CMSS1: variants seen among roughly 807,000 people sequenced by gnomAD.
The protein encoded by CMSS1 is cms1 ribosomal small subunit homolog.
A neutral mutation model predicts 43.5 loss-of-function variants in CMSS1; 33 were observed. The ratio of observed to expected loss-of-function variants is 0.76; its 90% CI spans 0.57 to 1.01. The LOEUF (loss-of-function observed/expected upper bound fraction) is 1.01. Ranked by LOEUF, CMSS1 falls within the 50% of genes least tolerant of loss-of-function variation. The pLI is 0.00. For missense variants in CMSS1, 313 were observed against 326.4 expected (o/e 0.96, Z 0.32); for synonymous variants, 115 against 117.2 (o/e 0.98, Z 0.12).
At chr3:99,848,904 T>C in intron 1 of CMSS1, 1 of 1,614,176 alleles carries the variant, frequency 6.2e-7, no homozygotes, top group Non-Finnish European at 8.5e-7. Flanking sequence ...GAGGACTCTC[T>C]GTGGTTGGAC....
Position 99,983,389 on chromosome 3 carries a change from A to AATAAATATATATAT in CMSS1, c.65-163581_65-163580insAATATATATATATA, listed in dbSNP as rs1302972402. ...TCTCTACTTAAAAAATAAATAAATA[A>AATAAATATATATAT]ATATATATATATATATATATATATA... On this transcript the variant is annotated intron_variant, in intron 1 of 9. Transcript: ENST00000421999. Among the ~76,000 whole-genome samples, 64 of 40,748 alleles carry AATAAATATATATAT rather than the reference A, an allele frequency of 1.6e-3. 3 individuals are homozygous for AATAAATATATATAT. Among genetic ancestry groups the AATAAATATATATAT allele is most frequent in the African/African-American group, 6.2e-3 (60 of 9,754 alleles). 26.7% of individuals were successfully genotyped at this position (40,748 alleles called of 152,430 possible).
chr3:99,913,987 G>A (rs1345001186), intron 1 of CMSS1, among the ~76,000 whole-genome samples: 3 of 152,204 alleles, frequency 2.0e-5, no homozygotes, highest in African/African-American at 7.2e-5. Flanking sequence ...TTAAAGAAGT[G>A]AGGATTGGCA....
At position 99,844,196 on chromosome 3, in the gene CMSS1, G is replaced by A. The variant is rs559113873; in HGVS notation, c.64+26153G>A. On this transcript the variant is annotated intron_variant, in intron 1 of 9. Transcript: ENST00000421999. ...GAAAAAGATCAAAATTTGAAGTACC[G>A]TTTTAGGGCACAATTAACCAGCAGA... is the stretch of plus-strand genomic sequence containing the variant. Among the ~76,000 whole-genome samples the A allele has an allele frequency of 2.1e-4, 32 of 152,260 alleles. No homozygotes were observed. In the South Asian group the frequency reaches 2.3e-3, roughly 11 times the overall value.
intron 1 of CMSS1, among the ~76,000 whole-genome samples, chr3:99,972,712 A>G (rs565179481): frequency 1.3e-5 from 2 of 152,368 alleles, no homozygotes; most frequent in South Asian, 2.1e-4. Context: ...TGGGAAAGCC[A>G]GAGCTTTACC....
At chr3:100,114,936 G>A in intron 1 of CMSS1, 17 of 1,533,884 alleles carry the variant, frequency 1.1e-5, no homozygotes, top group Non-Finnish European at 1.4e-5. Flanking sequence ...TCCATTTAGT[G>A]TCACAGGAGA....
chr3:99,907,427 T>G (rs909250798), intron 1 of CMSS1, among the ~76,000 whole-genome samples: 2 of 152,072 alleles, frequency 1.3e-5, no homozygotes, highest in Admixed American at 6.5e-5. Context: ...TTTTGTATTT[T>G]TAGTAGAGAC....
At chr3:100,135,421 C>G (rs953841502) in intron 1 of CMSS1, among the ~76,000 whole-genome samples, 3 of 140,156 alleles carry the variant, frequency 2.1e-5, no homozygotes, top group Non-Finnish European at 4.6e-5. Flanking sequence ...TCCTGAGGAG[C>G]CTTTGTGTGT....
chr3:99,924,204 A>G, intron 1 of CMSS1: 1 of 1,602,756 alleles, frequency 6.2e-7, no homozygotes, highest in Non-Finnish European at 8.5e-7. Context: ...GCAGAATGGG[A>G]CATTGTTTGC....
chr3:100,002,202 T>G (rs1278186555), intron 1 of CMSS1, among the ~76,000 whole-genome samples: 1 of 152,240 alleles, frequency 6.6e-6, no homozygotes, highest in East Asian at 1.9e-4. Flanking sequence ...TAAAAGCTGC[T>G]GGGTAAATCA....
At chr3:99,864,826 T>C (rs1944432959) in intron 1 of CMSS1, among the ~76,000 whole-genome samples, 1 of 152,156 alleles carries the variant, frequency 6.6e-6, no homozygotes, top group Non-Finnish European at 1.5e-5. Context: ...TAGTACCATC[T>C]GGCATACTAT....
rs1031979812 is a variant in CMSS1 at position 100,127,710 on chromosome 3, G to C, written c.65-19263G>C. Among the ~76,000 whole-genome samples the C allele has an allele frequency of 2.8e-4, 43 of 152,202 alleles. 1 individual carries two copies. Among genetic ancestry groups the C allele is most frequent in the Admixed American group, 1.3e-4 (2 of 15,282 alleles). On this transcript the variant is annotated intron_variant, in intron 1 of 9. Transcript: ENST00000421999. ...CATAATCCCACAATTAGAACCTCTT[G>C]ACAAAGGAGTCTGTGGAATGGAGGG...
chr3:99,977,430 G>C (rs115076447), intron 1 of CMSS1, among the ~76,000 whole-genome samples: 1,927 of 152,196 alleles, frequency 0.013, 27 homozygotes, highest in Non-Finnish European at 0.016. Context: ...AGGTATGCTG[G>C]GGGCCTATGG....
chr3:99,983,514 A>G (rs1374240437), intron 1 of CMSS1, among the ~76,000 whole-genome samples: 2 of 119,634 alleles, frequency 1.7e-5, no homozygotes, highest in Non-Finnish European at 3.4e-5. Flanking sequence ...ATATATGTAT[A>G]TATATACACA....
chr3:99,975,994 C>T (rs771178164), intron 1 of CMSS1, among the ~76,000 whole-genome samples: 7 of 152,190 alleles, frequency 4.6e-5, no homozygotes, highest in Non-Finnish European at 8.8e-5. Flanking sequence ...AAGCGATTCT[C>T]CTGCCTCAGC....
At chr3:99,933,303 T>G (rs1021656780) in intron 1 of CMSS1, among the ~76,000 whole-genome samples, 4 of 152,200 alleles carry the variant, frequency 2.6e-5, no homozygotes, top group Non-Finnish European at 5.9e-5. Flanking sequence ...CAATGATGTG[T>G]GACAGTAGTT....
At chr3:100,105,286 G>A (rs1292386984) in intron 1 of CMSS1, among the ~76,000 whole-genome samples, 1 of 152,174 alleles carries the variant, frequency 6.6e-6, no homozygotes, top group Non-Finnish European at 1.5e-5. Context: ...TGATTTGGGA[G>A]TGGCAATATT....
At position 100,176,420 on chromosome 3, in the gene CMSS1, C is replaced by T. The variant is rs1434582275; in HGVS notation, c.756+5C>T. ...AGAATGATGGACATTCCCGAGGTAC[C>T]ACGTAACCAGCAGTTGCCTTTAATC... On this transcript the variant is annotated splice_donor_5th_base_variant and intron_variant, in intron 9 of 9. Coordinates refer to ENST00000421999, the MANE Select transcript of CMSS1 (RefSeq NM_032359.4). The T allele has an allele frequency of 1.3e-6, 2 of 1,597,998 alleles. No homozygotes were observed. Among genetic ancestry groups the T allele is most frequent in the African/African-American group, 2.7e-5 (2 of 74,476 alleles).
At chr3:99,879,552 T>C (rs1467708974) in intron 1 of CMSS1, among the ~76,000 whole-genome samples, 1 of 152,222 alleles carries the variant, frequency 6.6e-6, no homozygotes, top group African/African-American at 2.4e-5. Context: ...TTCTTTTGAC[T>C]GGTCATGTCT....
intron 1 of CMSS1, among the ~76,000 whole-genome samples, chr3:99,915,187 A>T (rs976587687): frequency 6.6e-6 from 1 of 152,166 alleles, no homozygotes; most frequent in African/African-American, 2.4e-5. Flanking sequence ...TCCCATGACC[A>T]TGCTAACCGA....
Sources: allele counts gnomAD v4.1 joint callset (sites outside exome capture counted in the v4.1 genomes callset), GRCh38; gene constraint gnomAD v4.1.1; transcripts MANE v1.5; gene names NCBI Gene and HGNC (gene_info 2026-07-23, HGNC 2026-07-21).